Variants in AOPEP observed in about 807,000 individuals in gnomAD.
AOPEP encodes the protein aminopeptidase O.
In AOPEP, 77 loss-of-function variants were observed where a neutral mutation model predicts 98.1. The observed-to-expected ratio is 0.78, with a 90% CI of 0.65 to 0.95. The LOEUF (loss-of-function observed/expected upper bound fraction) is 0.95, where lower values mean the gene tolerates loss of function less well. Ranked by LOEUF, AOPEP falls within the 40% of genes least tolerant of loss-of-function variation. The probability of loss-of-function intolerance (pLI) is 0.00; values close to 1 mark genes in which losing one functional copy is unlikely to be tolerated. For missense variants in AOPEP, 1,024 were observed against 1,024.7 expected (o/e 1.00, Z 0.01); for synonymous variants, 346 against 365.3 (o/e 0.95, Z 0.60).
chr9:95,012,080 A>G (rs2062573816), intron 13 of AOPEP, among the ~76,000 whole-genome samples: 1 of 152,256 alleles, frequency 6.6e-6, no homozygotes, highest in South Asian at 2.1e-4. Context: ...TAGTATCACA[A>G]CCAGCAATAT....
At chr9:95,083,448 CAG>C (rs1358659047) in intron 16 of AOPEP, among the ~76,000 whole-genome samples, 4 of 148,544 alleles carry the variant, frequency 2.7e-5, no homozygotes, top group African/African-American at 7.5e-5. Context: ...ACACACCAAA[CAG>C]CGCACGCACC....
chr9:94,907,335 G>C (rs1220497493), intron 5 of AOPEP, among the ~76,000 whole-genome samples: 3 of 152,138 alleles, frequency 2.0e-5, no homozygotes, highest in Non-Finnish European at 4.4e-5. Context: ...GGCTTCTCTA[G>C]AAAGGAGAAA....
intron 14 of AOPEP, among the ~76,000 whole-genome samples, chr9:95,069,984 A>G (rs2068311030): frequency 6.6e-6 from 1 of 152,252 alleles, no homozygotes; most frequent in African/African-American, 2.4e-5. Context: ...AAAAAATAAC[A>G]TTCAGATTGC....
intron 5 of AOPEP, among the ~76,000 whole-genome samples, chr9:94,803,759 C>T (rs1848667111): frequency 6.6e-6 from 1 of 152,234 alleles, no homozygotes; most frequent in Non-Finnish European, 1.5e-5. Flanking sequence ...CTCCCCTACC[C>T]TGGTCCTTTT....
intron 13 of AOPEP, among the ~76,000 whole-genome samples, chr9:95,024,860 A>G (rs2063719757): frequency 6.6e-6 from 1 of 152,150 alleles, no homozygotes; most frequent in Admixed American, 6.5e-5. Context: ...AACCATTTCT[A>G]TCAGATTGGC....
chr9:94,952,079 G>T (rs1489987485), intron 7 of AOPEP, among the ~76,000 whole-genome samples: 1 of 152,144 alleles, frequency 6.6e-6, no homozygotes, highest in Non-Finnish European at 1.5e-5. Context: ...CCGACCAGTT[G>T]GATTTGCCAC....
At chr9:94,804,258 G>C (rs562721002) in intron 5 of AOPEP, among the ~76,000 whole-genome samples, 1 of 152,214 alleles carries the variant, frequency 6.6e-6, no homozygotes, top group Non-Finnish European at 1.5e-5. Flanking sequence ...ACCTTTGTAT[G>C]TGTGTATAGG....
At chr9:94,911,384 C>T (rs2052011422) in intron 5 of AOPEP, among the ~76,000 whole-genome samples, 1 of 152,242 alleles carries the variant, frequency 6.6e-6, no homozygotes, top group African/African-American at 2.4e-5. Flanking sequence ...TCCATGCTGT[C>T]ATTGTCTAAC....
At chr9:94,798,769 A>G (rs902402769) in intron 4 of AOPEP, among the ~76,000 whole-genome samples, 2 of 152,248 alleles carry the variant, frequency 1.3e-5, no homozygotes, top group Non-Finnish European at 2.9e-5. Flanking sequence ...AGAAAAAGAT[A>G]CTGTGGTGGT....
rs1832300806 is a variant in AOPEP at position 94,738,560 on chromosome 9, G to A, written c.-136+11809G>A. On this transcript the variant is annotated intron_variant, in intron 1 of 16. Coordinates refer to ENST00000375315, the MANE Select transcript of AOPEP (RefSeq NM_001193329.3). The stretch of plus-strand genomic sequence containing the variant: ...CTACAGGAGATACAGAAAAGGACAC[G>A]AGAAAAAAAATTATTATTATTATTT... 2.6e-5 allele frequency among the ~76,000 whole-genome samples: 4 copies of A among 151,968 alleles called. No individual in the cohort carries two copies. In the South Asian group the frequency reaches 8.3e-4, roughly 32 times the overall value.
At chr9:95,058,005 A>G (rs1046007026) in intron 13 of AOPEP, among the ~76,000 whole-genome samples, 1 of 152,194 alleles carries the variant, frequency 6.6e-6, no homozygotes, top group Non-Finnish European at 1.5e-5. Flanking sequence ...TCGCGGTCTT[A>G]AGTCAGGGAG....
At chr9:94,943,109 G>A (rs1564422367) in intron 7 of AOPEP, among the ~76,000 whole-genome samples, 1 of 152,090 alleles carries the variant, frequency 6.6e-6, no homozygotes, top group East Asian at 1.9e-4. Context: ...AAGGGAAAAA[G>A]AATCAGTAAA....
chr9:94,730,238 T>C (rs7026071), intron 1 of AOPEP, among the ~76,000 whole-genome samples: 102,888 of 149,560 alleles, frequency 0.69, 36,441 homozygotes, highest in African/African-American at 0.87. Context: ...GAGCCGAGTT[T>C]GCGCCACTGC....
At position 94,888,111 on chromosome 9, in the gene AOPEP, A is replaced by G. The variant is rs145753903; in HGVS notation, c.1365-35875A>G. ...CACCTAACTAATTTGATAAGTGACA[A>G]GTCAAGGAGTGAAAATGAAAATAAG... On this transcript the variant is annotated intron_variant, in intron 5 of 16. Coordinates refer to ENST00000375315, the MANE Select transcript of AOPEP (RefSeq NM_001193329.3). Among the ~76,000 whole-genome samples the G allele has an allele frequency of 2.2e-4, 33 of 152,342 alleles. No homozygotes were observed. In the East Asian group the frequency reaches 6.0e-3, roughly 28 times the overall value.
At chr9:94,991,031 A>AGCATGACCCCTT (rs2060861448) in intron 11 of AOPEP, among the ~76,000 whole-genome samples, 1 of 152,202 alleles carries the variant, frequency 6.6e-6, no homozygotes, top group African/African-American at 2.4e-5. Flanking sequence ...TGCATACACA[A>AGCATGACCCCTT]GCATGACCCC....
At chr9:95,113,648 G>T in the AOPEP span, 33,145 of 149,454 alleles carry the variant, frequency 0.22, 4,775 homozygotes, top group Non-Finnish European at 0.32. Flanking sequence ...TTTTGGAGAC[G>T]GAGTCTTACT....
intron 5 of AOPEP, among the ~76,000 whole-genome samples, chr9:94,892,190 T>G (rs1475089367): frequency 6.6e-6 from 1 of 152,246 alleles, no homozygotes; most frequent in Non-Finnish European, 1.5e-5. Context: ...TATTTGGGAC[T>G]TACTCAGCTT....
chr9:94,948,036 A>G (rs2057809439), intron 7 of AOPEP, among the ~76,000 whole-genome samples: 1 of 152,216 alleles, frequency 6.6e-6, no homozygotes, highest in Non-Finnish European at 1.5e-5. Flanking sequence ...TATTTTTCAT[A>G]GGCAAACAGT....
the AOPEP span, among the ~76,000 whole-genome samples, chr9:95,093,738 G>T: frequency 6.6e-6 from 1 of 152,100 alleles, no homozygotes; most frequent in Admixed American, 6.5e-5. Context: ...GTTCACACGG[G>T]TCTAGATTGG....
Sources: gnomAD v4.1 joint callset for allele counts (sites outside exome capture counted in the v4.1 genomes callset) on GRCh38, gnomAD v4.1.1 for gene constraint, MANE v1.5 for transcripts, NCBI Gene and HGNC (gene_info 2026-07-23, HGNC 2026-07-21) for gene names.